ZNF423: variants seen among roughly 807,000 people sequenced by gnomAD.
The protein encoded by ZNF423 is Ebf-associated zinc finger protein.
ZNF423 carries 12 observed loss-of-function variants against 95.8 expected under a neutral mutation model. The ratio of observed to expected loss-of-function variants is 0.13; its 90% CI spans 0.08 to 0.20. The LOEUF (loss-of-function observed/expected upper bound fraction) is 0.20. ZNF423 is among the 10% of genes least tolerant of loss of function. The pLI is 1.00. For synonymous variants in ZNF423, 749 were observed against 711.9 expected (o/e 1.05, Z -0.83); for missense variants, 1,316 against 1,737.1 (o/e 0.76, Z 4.31).
intron 5 of ZNF423, among the ~76,000 whole-genome samples, chr16:49,554,711 T>G (rs1969762694): frequency 6.6e-6 from 1 of 151,952 alleles, no homozygotes; most frequent in Non-Finnish European, 1.5e-5. Context: ...TTTTCTGATA[T>G]GGAATCATTA....
intron 3 of ZNF423, among the ~76,000 whole-genome samples, chr16:49,674,677 G>C (rs1199094440): frequency 6.6e-6 from 1 of 152,232 alleles, no homozygotes; most frequent in Non-Finnish European, 1.5e-5. Flanking sequence ...AAGCCCGAGA[G>C]GCAGCCACGC....
intron 2 of ZNF423, among the ~76,000 whole-genome samples, chr16:49,740,422 C>T (rs948648051): frequency 1.3e-5 from 2 of 152,210 alleles, no homozygotes; most frequent in African/African-American, 2.4e-5. Flanking sequence ...ATTCCGCACT[C>T]GGCTTGTGCA....
intron 7 of ZNF423, among the ~76,000 whole-genome samples, chr16:49,497,969 A>C (rs1162547587): frequency 6.6e-6 from 1 of 152,228 alleles, no homozygotes; most frequent in Non-Finnish European, 1.5e-5. Flanking sequence ...GAGATGCTTA[A>C]GGAAGAAGCT....
At chr16:49,768,293 T>C (rs1418224368) in intron 2 of ZNF423, among the ~76,000 whole-genome samples, 1 of 152,232 alleles carries the variant, frequency 6.6e-6, no homozygotes, top group Non-Finnish European at 1.5e-5. Flanking sequence ...CGAGAGTTCA[T>C]TTCATTAACC....
At chr16:49,583,480 G>A (rs762374824) in intron 5 of ZNF423, among the ~76,000 whole-genome samples, 2 of 152,104 alleles carry the variant, frequency 1.3e-5, no homozygotes, top group Non-Finnish European at 2.9e-5. Context: ...ATACATGTGC[G>A]CAAAAATATT....
chr16:49,510,116 A>G lies in ZNF423; in HGVS notation c.3849+13508T>C, dbSNP rs377272738. On this transcript the variant is annotated intron_variant, in intron 7 of 7. Coordinates refer to ENST00000563137, the MANE Select transcript of ZNF423 (RefSeq NM_001379286.1). ...CTTCTCCCATCTGTGAAAGAGGGAC[A>G]GTGATATCCACATCAACTCTGCCAA... Among the ~76,000 whole-genome samples, 66 of 152,356 alleles carry G rather than the reference A, an allele frequency of 4.3e-4. 1 individual carries two copies. The South Asian group carries it at 0.012, about 28-fold the overall frequency.
At chr16:49,527,932 A>G (rs1457681432) in intron 5 of ZNF423, among the ~76,000 whole-genome samples, 2 of 151,668 alleles carry the variant, frequency 1.3e-5, no homozygotes, top group African/African-American at 4.8e-5. Flanking sequence ...GTGTGCATGC[A>G]CACACACACA....
At chr16:49,801,602 C>A (rs1408613944) in intron 1 of ZNF423, among the ~76,000 whole-genome samples, 1 of 152,218 alleles carries the variant, frequency 6.6e-6, no homozygotes, top group African/African-American at 2.4e-5. Context: ...CCAGCAATAG[C>A]AGCATTACCT....
intron 1 of ZNF423, among the ~76,000 whole-genome samples, chr16:49,835,973 C>T (rs549568350): frequency 2.0e-5 from 3 of 152,118 alleles, no homozygotes; most frequent in African/African-American, 7.2e-5. Flanking sequence ...TGGGTGGAGA[C>T]AGAGAGAGGC....
intron 3 of ZNF423, among the ~76,000 whole-genome samples, chr16:49,714,422 C>T (rs2032640316): frequency 6.7e-6 from 1 of 149,632 alleles, no homozygotes. Context: ...TTTGGGAGGC[C>T]AAGGTGAGCA....
chr16:49,559,012 G>T lies in ZNF423; in HGVS notation c.3602-33518C>A, dbSNP rs1969932748. Among the ~76,000 whole-genome samples the T allele has an allele frequency of 1.3e-5, 2 of 152,200 alleles. 1 individual carries two copies. Among genetic ancestry groups the T allele is most frequent in the South Asian group, 4.1e-4 (2 of 4,836 alleles). On this transcript the variant is annotated intron_variant, in intron 5 of 7. Transcript: ENST00000563137. ...CCTGAGCTCCTTAGGGGCCACAGGG[G>T]CTTCCCTCAACCTTGGACATCCCTG...
chr16:49,520,770 T>G (rs999910107), intron 7 of ZNF423, among the ~76,000 whole-genome samples: 1 of 152,132 alleles, frequency 6.6e-6, no homozygotes, highest in Non-Finnish European at 1.5e-5. Flanking sequence ...AGCCCCAGCT[T>G]CTGTGTAGGG....
chr16:49,858,190 T>C (rs1203922277), upstream of ZNF423, among the ~76,000 whole-genome samples: 1 of 151,146 alleles, frequency 6.6e-6, no homozygotes. This position sits in a 1 kb window ranked among gnomAD's most constrained non-coding sequence, Gnocchi z 4.3. Flanking sequence ...AGGGCAACCT[T>C]TCACGGAAAA....
At chr16:49,664,221 C>T in intron 3 of ZNF423, 4 of 985,562 alleles carry the variant, frequency 4.1e-6, no homozygotes, top group Non-Finnish European at 4.8e-6. Flanking sequence ...CACCGGCCCA[C>T]TGGTGATCTC....
At chr16:49,561,256 A>C (rs2151768794) in intron 5 of ZNF423, among the ~76,000 whole-genome samples, 1 of 152,348 alleles carries the variant, frequency 6.6e-6, no homozygotes, top group South Asian at 2.1e-4. Flanking sequence ...ACACCACAGA[A>C]ATCGGCAAAG....
At chr16:49,524,339 T>C (rs1968519443) in intron 6 of ZNF423, among the ~76,000 whole-genome samples, 1 of 152,202 alleles carries the variant, frequency 6.6e-6, no homozygotes, top group African/African-American at 2.4e-5. Flanking sequence ...TTCCTATTTT[T>C]ATTGTTGTCA....
At chr16:49,576,033 A>G (rs764755354) in intron 5 of ZNF423, among the ~76,000 whole-genome samples, 1 of 152,194 alleles carries the variant, frequency 6.6e-6, no homozygotes, top group Admixed American at 6.5e-5. Context: ...TGGGAGAGAC[A>G]GAGGGGCAGG....
intron 3 of ZNF423, among the ~76,000 whole-genome samples, chr16:49,661,217 CAAAA>C (rs397959711): frequency 3.1e-5 from 3 of 97,776 alleles, no homozygotes; most frequent in African/African-American, 1.0e-4. Context: ...GACTTCATCT[CAAAA>C]AAAAAAAAAA....
At chr16:49,788,763 G>T (rs975085779) in intron 2 of ZNF423, among the ~76,000 whole-genome samples, 23 of 152,236 alleles carry the variant, frequency 1.5e-4, no homozygotes, top group African/African-American at 5.5e-4. Context: ...AGGGAGCCAG[G>T]GGCATCACTG....
Sources: gnomAD v4.1 joint callset for allele counts (sites outside exome capture counted in the v4.1 genomes callset) on GRCh38, gnomAD v4.1.1 for gene constraint, Gnocchi (gnomAD v3.1) non-coding constraint, MANE v1.5 for transcripts, NCBI Gene and HGNC (gene_info 2026-07-23, HGNC 2026-07-21) for gene names.